MARCHF3: variants seen among roughly 807,000 people sequenced by gnomAD.
MARCHF3 encodes membrane associated ring-CH-type finger 3, also known as E3 ubiquitin-protein ligase MARCHF3.
MARCHF3 carries 13 observed loss-of-function variants against 24.2 expected under a neutral mutation model. The ratio of observed to expected loss-of-function variants is 0.54; its 90% CI spans 0.35 to 0.85. The LOEUF is 0.85. MARCHF3 is among the 40% of genes least tolerant of loss of function. The pLI is 0.01. For missense variants in MARCHF3, 276 were observed against 325.0 expected (o/e 0.85, Z 1.16); for synonymous variants, 144 against 137.3 (o/e 1.05, Z -0.34).
At chr5:126,878,428 G>C in intron 3 of MARCHF3, 34 bp from the exon 4 acceptor site, 1 of 1,582,886 alleles carries the variant, frequency 6.3e-7, no homozygotes, top group Non-Finnish European at 8.6e-7. Flanking sequence ...AAGAGCAAGG[G>C]AGAGGGTTAA....
At chr5:126,917,952 TACAGATTC>T in intron 2 of MARCHF3, 24 bp downstream of exon 2, 2 of 1,599,260 alleles carry the variant, frequency 1.3e-6, no homozygotes, top group Non-Finnish European at 1.7e-6. Flanking sequence ...CTGGATCAAT[TACAGATTC>T]ATTTATTTTA....
At chr5:126,931,748 T>C (rs1379042864) in intron 1 of MARCHF3, among the ~76,000 whole-genome samples, 1 of 151,982 alleles carries the variant, frequency 6.6e-6, no homozygotes, top group Non-Finnish European at 1.5e-5. Flanking sequence ...AGAAGGAAAA[T>C]AGCTGCCATT....
chr5:126,981,931 C>CT (rs1385358712), intron 1 of MARCHF3, among the ~76,000 whole-genome samples: 1 of 152,174 alleles, frequency 6.6e-6, no homozygotes. Context: ...ATTCCCAAGG[C>CT]TTTTTTGGAA....
At chr5:126,969,297 A>T (rs1482054855) in intron 1 of MARCHF3, among the ~76,000 whole-genome samples, 1 of 152,208 alleles carries the variant, frequency 6.6e-6, no homozygotes, top group East Asian at 1.9e-4. Context: ...GATGATTGGA[A>T]CTTTTTTTGG....
At chr5:126,898,653 T>C (rs1754005285) in intron 3 of MARCHF3, among the ~76,000 whole-genome samples, 1 of 152,106 alleles carries the variant, frequency 6.6e-6, no homozygotes, top group Non-Finnish European at 1.5e-5. Context: ...TCTCCCAATT[T>C]CTGCTTTACT....
intron 1 of MARCHF3, among the ~76,000 whole-genome samples, chr5:127,016,067 G>A (rs1445839543): frequency 6.6e-6 from 1 of 151,948 alleles, no homozygotes; most frequent in Non-Finnish European, 1.5e-5. Flanking sequence ...TGTTATAATT[G>A]TTCTACTTTT....
At chr5:126,931,009 G>A (rs1749464733) in intron 1 of MARCHF3, among the ~76,000 whole-genome samples, 1 of 152,170 alleles carries the variant, frequency 6.6e-6, no homozygotes, top group South Asian at 2.1e-4. Flanking sequence ...GTGTATTTTG[G>A]GAAATCGAGA....
At chr5:126,939,385 CT>C (rs979318091) in intron 1 of MARCHF3, among the ~76,000 whole-genome samples, 79 of 152,306 alleles carry the variant, frequency 5.2e-4, no homozygotes, top group African/African-American at 1.9e-3. Context: ...TGGGAGAACA[CT>C]TACTAACACC....
intron 3 of MARCHF3, among the ~76,000 whole-genome samples, chr5:126,907,110 C>A (rs935665653): frequency 1.3e-5 from 2 of 151,692 alleles, no homozygotes; most frequent in Non-Finnish European, 2.9e-5. Flanking sequence ...TGTTCAGTTT[C>A]CATGTAGTTG....
At chr5:127,006,414 T>C (rs1386969989) in intron 1 of MARCHF3, among the ~76,000 whole-genome samples, 1 of 152,170 alleles carries the variant, frequency 6.6e-6, no homozygotes, top group East Asian at 1.9e-4. Flanking sequence ...AGGGCTGTCA[T>C]TGTTTTAGGC....
At chr5:127,022,582 TAGTTG>T (rs1447884248) in intron 1 of MARCHF3, among the ~76,000 whole-genome samples, 1 of 152,226 alleles carries the variant, frequency 6.6e-6, no homozygotes, top group African/African-American at 2.4e-5. Flanking sequence ...GAACATCTAC[TAGTTG>T]CAAGAAAGGG....
chr5:126,985,072 G>A (rs191520627), intron 1 of MARCHF3, among the ~76,000 whole-genome samples: 1 of 152,294 alleles, frequency 6.6e-6, no homozygotes, highest in East Asian at 1.9e-4. Flanking sequence ...CCAGGTGGTG[G>A]TGGGAGAAAT....
intron 1 of MARCHF3, among the ~76,000 whole-genome samples, chr5:126,928,273 A>G (rs1374082800): frequency 6.6e-6 from 1 of 152,218 alleles, no homozygotes; most frequent in Non-Finnish European, 1.5e-5. Flanking sequence ...ATGTAGCCAG[A>G]TAAGTCCCAG....
chr5:127,021,498 G>A (rs1399876257), intron 1 of MARCHF3, among the ~76,000 whole-genome samples: 1 of 152,186 alleles, frequency 6.6e-6, no homozygotes, highest in Non-Finnish European at 1.5e-5. Context: ...AAAATGGGGT[G>A]AACATTATAA....
chr5:126,968,189 T>C (rs75856702), intron 1 of MARCHF3, among the ~76,000 whole-genome samples: 7,861 of 152,316 alleles, frequency 0.052, 375 homozygotes, highest in South Asian at 0.14. Context: ...TTTTGTTTGT[T>C]CATTCATCAG....
intron 1 of MARCHF3, 150 bp from the exon 2 acceptor site, chr5:126,918,377 C>CAA: frequency 1.7e-6 from 1 of 579,182 alleles, no homozygotes; most frequent in East Asian, 2.9e-5. Flanking sequence ...CTGTTTAATA[C>CAA]AAGTGCACAC....
rs144411284 is a variant in MARCHF3 at position 126,941,090 on chromosome 5, T to C, written c.-56-22863A>G. Among the ~76,000 whole-genome samples the C allele has an allele frequency of 2.9e-3, 448 of 152,316 alleles. 6 individuals carry two copies. The highest frequency in any genetic ancestry group is 0.01 in the African/African-American group (429 of 41,566). On this transcript the variant is annotated intron_variant, in intron 1 of 4. Coordinates refer to ENST00000308660, the MANE Select transcript of MARCHF3 (RefSeq NM_178450.5). Reference sequence around the variant, plus strand: ...AAAACCACAAGTTTACAAAATTTTCTCCATTTACCTGTTTTAGAAAGAAAT... The same window carrying C: ...AAAACCACAAGTTTACAAAATTTTCCCCATTTACCTGTTTTAGAAAGAAAT...
At position 126,944,791 on chromosome 5, in the gene MARCHF3, A is replaced by G. The variant is rs113399046; in HGVS notation, c.-56-26564T>C. Among the ~76,000 whole-genome samples the G allele has an allele frequency of 7.2e-3, 1,090 of 152,244 alleles. 16 individuals are homozygous for G. Among genetic ancestry groups the G allele is most frequent in the African/African-American group, 0.026 (1,060 of 41,540 alleles). ...ATCCAGTTTCTTAATCTACAAAATA[A>G]CACCTGTCCTTGTAATCTTTCTGCT... On this transcript the variant is annotated intron_variant, in intron 1 of 4. Coordinates refer to ENST00000308660, the MANE Select transcript of MARCHF3 (RefSeq NM_178450.5).
At chr5:126,951,296 T>A (rs1426414860) in intron 1 of MARCHF3, among the ~76,000 whole-genome samples, 1 of 152,116 alleles carries the variant, frequency 6.6e-6, no homozygotes, top group Non-Finnish European at 1.5e-5. Flanking sequence ...GGCCCCAGGG[T>A]TCAGTCCATA....
Sources: allele counts gnomAD v4.1 joint callset (sites outside exome capture counted in the v4.1 genomes callset), GRCh38; gene constraint gnomAD v4.1.1; transcripts MANE v1.5; gene names NCBI Gene and HGNC (gene_info 2026-07-23, HGNC 2026-07-21).